MYO1H: variants seen among roughly 807,000 people sequenced by gnomAD.
MYO1H encodes myosin IH.
In MYO1H, 118 loss-of-function variants were observed where a neutral mutation model predicts 149.3. That is an observed-to-expected ratio of 0.79 (90% CI 0.68 to 0.92). The LOEUF (loss-of-function observed/expected upper bound fraction) is 0.92, where lower values mean the gene tolerates loss of function less well. Ranked by LOEUF, MYO1H falls within the 40% of genes least tolerant of loss-of-function variation. The pLI, the probability that MYO1H is intolerant of heterozygous loss-of-function variation, is 0.00. For synonymous variants in MYO1H, 447 were observed against 465.2 expected (o/e 0.96, Z 0.50); for missense variants, 1,212 against 1,280.7 (o/e 0.95, Z 0.82).
chr12:109,365,115 TA>T (rs1203687303), intron 1 of MYO1H, among the ~76,000 whole-genome samples: 4 of 151,896 alleles, frequency 2.6e-5, no homozygotes, highest in Non-Finnish European at 5.9e-5. Flanking sequence ...TACAAAAAAT[TA>T]AAAACAAGAC....
intron 1 of MYO1H, chr12:109,354,161 C>T (rs754293685): frequency 6.6e-5 from 10 of 152,284 alleles, no homozygotes; most frequent in African/African-American, 2.2e-4. Flanking sequence ...TCATTCAGTG[C>T]AATAGCAAAA....
chr12:109,381,634 G>A (rs556004293), intron 1 of MYO1H, among the ~76,000 whole-genome samples: 105 of 151,678 alleles, frequency 6.9e-4, no homozygotes, highest in South Asian at 2.5e-3. Flanking sequence ...GTGAAACCCC[G>A]TCTCTACTAA....
At chr12:109,446,180 G>A (rs1302062842) in intron 31 of MYO1H, 1 of 985,052 alleles carries the variant, frequency 1.0e-6, no homozygotes, top group Admixed American at 6.2e-5. Context: ...ACAGAGGTTT[G>A]GGAACCATGG....
chr12:109,391,125 T>C (rs905880378), intron 2 of MYO1H, among the ~76,000 whole-genome samples: 1 of 152,214 alleles, frequency 6.6e-6, no homozygotes, highest in African/African-American at 2.4e-5. Flanking sequence ...GATGTGCAGG[T>C]TTGTTACATA....
At chr12:109,410,861 G>A in intron 13 of MYO1H, 93 bp downstream of exon 13, 4 of 859,316 alleles carry the variant, frequency 4.7e-6, no homozygotes, top group South Asian at 1.5e-5. Context: ...GTTGAGCCAG[G>A]CCAGGCACGG....
intron 27 of MYO1H, 34 bp downstream of exon 27, chr12:109,442,306 A>G: frequency 6.3e-7 from 1 of 1,597,266 alleles, no homozygotes. Context: ...CTCAAACAGG[A>G]TTCCCTCATC....
At position 109,435,117 on chromosome 12, in the gene MYO1H, T is replaced by C. The variant is rs1871803902; in HGVS notation, c.2140+4T>C. 6.3e-7 allele frequency: 1 copy of C among 1,581,606 alleles called. No individual in the cohort carries two copies. Among genetic ancestry groups the C allele is most frequent in the African/African-American group, 1.3e-5 (1 of 74,324 alleles). ...GAATTTAGTAAACATCAACTAGGTA[T>C]GATTTCTTTTTCTGTCCCGATTTCA... On this transcript the variant is annotated splice_donor_region_variant and intron_variant, in intron 21 of 31. Transcript: ENST00000310903.
At chr12:109,426,027 A>C in exon 18 of MYO1H, 1 of 1,613,722 alleles carries the variant, frequency 6.2e-7, no homozygotes, top group South Asian at 1.1e-5. Flanking sequence ...CCGTTGCATC[A>C]AGCCCAACGA....
intron 1 of MYO1H, among the ~76,000 whole-genome samples, chr12:109,382,244 G>T (rs1362197371): frequency 6.6e-6 from 1 of 151,970 alleles, no homozygotes; most frequent in Non-Finnish European, 1.5e-5. Context: ...GTATCTGATT[G>T]GACCTCTAAT....
At chr12:109,327,754 A>AAAAG in the MYO1H span, among the ~76,000 whole-genome samples, 112 of 150,698 alleles carry the variant, frequency 7.4e-4, 1 homozygote, top group Non-Finnish European at 1.0e-3. Context: ...AAAAAAAAAA[A>AAAAG]AAAGAAAGAA....
Position 109,436,557 on chromosome 12 carries a change from G to T in MYO1H, c.2209+1G>T. On this transcript the variant is annotated splice_donor_variant, in intron 22 of 31. Coordinates refer to ENST00000310903, the Ensembl canonical transcript of MYO1H. LOFTEE classifies it high-confidence loss of function. ...GAATACGTGAAAAAAAGACAAGCAGGTAAGAATTAAATAGAAACAAATAAG... is the reference window on the plus strand; with the variant it reads ...GAATACGTGAAAAAAAGACAAGCAGTTAAGAATTAAATAGAAACAAATAAG... 6.2e-7 allele frequency: 1 copy of T among 1,601,458 alleles called. No individual in the cohort carries two copies. The highest frequency in any genetic ancestry group is 8.5e-7 in the Non-Finnish European group (1 of 1,172,962).
chr12:109,318,967 G>GTTTTTTTTTTTTTTTTTTTT, the MYO1H span, among the ~76,000 whole-genome samples: 27 of 79,622 alleles, frequency 3.4e-4, 1 homozygote, highest in African/African-American at 5.9e-4. Flanking sequence ...TGCGTTTTTG[G>GTTTTTTTTTTTTTTTTTTTT]TTTTGTTTTT....
chr12:109,434,279 G>A (rs1334058484), intron 20 of MYO1H, among the ~76,000 whole-genome samples: 1 of 152,080 alleles, frequency 6.6e-6, no homozygotes, highest in African/African-American at 2.4e-5. Flanking sequence ...CAAAGTGCTG[G>A]GATTGCAGGC....
intron 5 of MYO1H, among the ~76,000 whole-genome samples, chr12:109,398,762 AAAAG>A (rs2137046677): frequency 6.6e-6 from 1 of 151,794 alleles, no homozygotes; most frequent in African/African-American, 2.4e-5. Flanking sequence ...AAAAAAAAAA[AAAAG>A]ACACAAGTAA....
At chr12:109,417,396 C>T (rs68094047) in intron 15 of MYO1H, among the ~76,000 whole-genome samples, 38,659 of 151,902 alleles carry the variant, frequency 0.25, 5,082 homozygotes, top group East Asian at 0.35. Flanking sequence ...GGCATGATCT[C>T]GGCTCACTGC....
At chr12:109,352,023 T>C (rs757808229) in intron 1 of MYO1H, among the ~76,000 whole-genome samples, 7 of 152,216 alleles carry the variant, frequency 4.6e-5, no homozygotes, top group Non-Finnish European at 7.3e-5. Context: ...TTTGCTCTCT[T>C]TGCTTCAGAA....
intron 13 of MYO1H, among the ~76,000 whole-genome samples, chr12:109,411,014 C>A (rs112830407): frequency 6.6e-6 from 1 of 152,086 alleles, no homozygotes; most frequent in East Asian, 1.9e-4. Context: ...TGATGGCATG[C>A]GCCTGTAGTC....
the MYO1H span, among the ~76,000 whole-genome samples, chr12:109,340,768 A>T: frequency 1.7e-3 from 256 of 152,348 alleles, 2 homozygotes; most frequent in Non-Finnish European, 3.0e-3. Flanking sequence ...AACTCCGGCA[A>T]ATCTGTCTAT....
At position 109,446,425 on chromosome 12, in the gene MYO1H, T is replaced by C. The variant is rs532948714; in HGVS notation, c.3094-734T>C. 37 of 985,450 alleles carry C rather than the reference T, an allele frequency of 3.8e-5. No individual in the cohort carries two copies. The African/African-American group carries it at 6.1e-4, about 16-fold the overall frequency. The allele number at this position is 985,450 out of a possible 1,614,324, so 61.0% of individuals were successfully genotyped here. On this transcript the variant is annotated intron_variant, in intron 31 of 31. Coordinates refer to ENST00000310903, the Ensembl canonical transcript of MYO1H. ...TTAATTAAAAAATGGTCTGTGAACA[T>C]GGAGTGTCTCATACACATTTAAATT...
Sources: gnomAD v4.1 joint callset for allele counts (sites outside exome capture counted in the v4.1 genomes callset) on GRCh38, gnomAD v4.1.1 for gene constraint, MANE v1.5 for transcripts, NCBI Gene and HGNC (gene_info 2026-07-23, HGNC 2026-07-21) for gene names.